Variants in SLC9B1 observed in about 807,000 individuals in gnomAD.
SLC9B1 encodes sodium/hydrogen exchanger 9B1.
Under a neutral mutation model 51.7 loss-of-function variants are expected in SLC9B1, and 32 were observed. The observed-to-expected ratio is 0.62, with a 90% CI of 0.47 to 0.83. The LOEUF (loss-of-function observed/expected upper bound fraction) is 0.83. Among genes scored for constraint, SLC9B1 ranks in the 40% least tolerant of loss-of-function variants. The pLI is 0.00. For missense variants in SLC9B1, 406 were observed against 613.2 expected (o/e 0.66, Z 3.57); for synonymous variants, 145 against 212.7 (o/e 0.68, Z 2.77).
At chr4:102,932,612 G>A (rs907518591) in intron 6 of SLC9B1, among the ~76,000 whole-genome samples, 8 of 152,102 alleles carry the variant, frequency 5.3e-5, no homozygotes, top group African/African-American at 9.7e-5. Flanking sequence ...AGGTGAATCC[G>A]CAATGGACAA....
chr4:103,004,392 A>G (rs1740679616), intron 1 of SLC9B1, among the ~76,000 whole-genome samples: 1 of 152,206 alleles, frequency 6.6e-6, no homozygotes, highest in African/African-American at 2.4e-5. Context: ...TAAAGAAAAA[A>G]GAACAAAAAG....
At chr4:102,996,066 C>T (rs186379159) in intron 1 of SLC9B1, among the ~76,000 whole-genome samples, 1 of 152,102 alleles carries the variant, frequency 6.6e-6, no homozygotes, top group Non-Finnish European at 1.5e-5. Flanking sequence ...TTACTCAGAT[C>T]TTTGTCAACT....
At chr4:102,981,873 A>G (rs1457802879) in intron 3 of SLC9B1, among the ~76,000 whole-genome samples, 1 of 152,088 alleles carries the variant, frequency 6.6e-6, no homozygotes, top group Non-Finnish European at 1.5e-5. Context: ...CACAGAAGGG[A>G]ACAGCATGGA....
At chr4:102,944,710 T>C (rs76813161) in intron 6 of SLC9B1, among the ~76,000 whole-genome samples, 11 of 115,800 alleles carry the variant, frequency 9.5e-5, no homozygotes, top group African/African-American at 2.6e-4. Context: ...ATAAGACAAA[T>C]GGATGGTAGA....
chr4:102,973,195 G>T (rs550961127), intron 3 of SLC9B1, among the ~76,000 whole-genome samples: 2 of 152,196 alleles, frequency 1.3e-5, no homozygotes, highest in Non-Finnish European at 1.5e-5. Flanking sequence ...GAAAATCCAG[G>T]TATCACCTGT....
At chr4:103,002,575 A>G (rs1740582158) in intron 1 of SLC9B1, among the ~76,000 whole-genome samples, 1 of 152,256 alleles carries the variant, frequency 6.6e-6, no homozygotes, top group Admixed American at 6.5e-5. Context: ...TTCTTTAGGA[A>G]GTAAAAAAGA....
At chr4:103,002,114 C>T (rs1054956476) in intron 1 of SLC9B1, among the ~76,000 whole-genome samples, 3 of 152,200 alleles carry the variant, frequency 2.0e-5, no homozygotes, top group Admixed American at 1.3e-4. Context: ...ACCTCTCTCC[C>T]TCAACATGTG....
chr4:102,971,977 C>T (rs1218270651), intron 3 of SLC9B1, among the ~76,000 whole-genome samples: 1 of 152,052 alleles, frequency 6.6e-6, no homozygotes, highest in Non-Finnish European at 1.5e-5. Flanking sequence ...TTAACAGGCT[C>T]TGAAATTGAG....
At chr4:102,988,895 A>G (rs997042638) in intron 3 of SLC9B1, among the ~76,000 whole-genome samples, 4 of 152,010 alleles carry the variant, frequency 2.6e-5, no homozygotes, top group African/African-American at 9.7e-5. Flanking sequence ...TAAATAATAC[A>G]TTTCCCTCTC....
intron 3 of SLC9B1, among the ~76,000 whole-genome samples, chr4:102,964,001 C>A (rs1324586825): frequency 2.0e-5 from 3 of 151,856 alleles, no homozygotes; most frequent in South Asian, 4.1e-4. Context: ...TTAAAAACAA[C>A]CAAAGAAACT....
intron 11 of SLC9B1, 144 bp downstream of exon 11, chr4:102,905,370 A>C (rs1176420802): frequency 3.4e-5 from 34 of 1,006,182 alleles, no homozygotes; most frequent in Non-Finnish European, 4.8e-5. Flanking sequence ...GGTTACGTTA[A>C]TTTTAATGAA....
chr4:102,950,825 C>A (rs1363195308), intron 3 of SLC9B1, among the ~76,000 whole-genome samples: 1 of 152,092 alleles, frequency 6.6e-6, no homozygotes, highest in Non-Finnish European at 1.5e-5. Flanking sequence ...GAAACGCTGT[C>A]TCTATTAAAA....
At chr4:102,933,530 G>C (rs935386690) in intron 6 of SLC9B1, among the ~76,000 whole-genome samples, 1 of 152,170 alleles carries the variant, frequency 6.6e-6, no homozygotes, top group African/African-American at 2.4e-5. Context: ...AATATTTATT[G>C]TCTTATGACT....
chr4:102,983,635 C>A (rs1164865950), intron 3 of SLC9B1, among the ~76,000 whole-genome samples: 2 of 152,076 alleles, frequency 1.3e-5, no homozygotes, highest in African/African-American at 4.8e-5. Context: ...AGGAATTGGT[C>A]CTTTTTATCT....
chr4:102,953,822 G>A (rs1438177174), intron 3 of SLC9B1, among the ~76,000 whole-genome samples: 1 of 29,382 alleles, frequency 3.4e-5, no homozygotes, highest in Non-Finnish European at 5.3e-5. Flanking sequence ...CATTGATTTC[G>A]TATCCTGAGA....
chr4:103,019,493 G>C (rs1741630180), intron 1 of SLC9B1, 106 bp downstream of exon 1: 1 of 730,814 alleles, frequency 1.4e-6, no homozygotes, highest in Non-Finnish European at 1.7e-6. Flanking sequence ...TGAACTGAGG[G>C]GGAGGAAAGG....
intron 3 of SLC9B1, among the ~76,000 whole-genome samples, chr4:102,971,593 G>C (rs181020533): frequency 6.6e-6 from 1 of 152,114 alleles, no homozygotes; most frequent in Admixed American, 6.5e-5. Flanking sequence ...AGAAGCAAGA[G>C]CACACAAATT....
At chr4:102,934,722 C>T (rs1417566165) in intron 6 of SLC9B1, among the ~76,000 whole-genome samples, 2 of 146,492 alleles carry the variant, frequency 1.4e-5, no homozygotes, top group South Asian at 2.1e-4. Flanking sequence ...GCTGAGATCA[C>T]GCCACTGCAC....
intron 1 of SLC9B1, among the ~76,000 whole-genome samples, chr4:103,007,595 T>G (rs1426431637): frequency 5.6e-5 from 2 of 35,612 alleles, no homozygotes; most frequent in Non-Finnish European, 1.0e-4. Flanking sequence ...TGTCATCTTT[T>G]TTTTTTTTTT....
Sources: allele counts gnomAD v4.1 joint callset (sites outside exome capture counted in the v4.1 genomes callset), GRCh38; gene constraint gnomAD v4.1.1; transcripts MANE v1.5; gene names NCBI Gene and HGNC (gene_info 2026-07-23, HGNC 2026-07-21).